The following CENPK variants were observed in gnomAD, a reference collection of about 807,000 sequenced individuals.
CENPK encodes centromere protein K.
Under a neutral mutation model 40.9 loss-of-function variants are expected in CENPK, and 46 were observed. That is an observed-to-expected ratio of 1.13 (90% CI 0.89 to 1.44). CENPK has a LOEUF of 1.44. Among genes scored for constraint, CENPK ranks in the 40% most tolerant of loss-of-function variants. The pLI is 0.00. For synonymous variants in CENPK, 107 were observed against 104.4 expected (o/e 1.02, Z -0.15); for missense variants, 288 against 303.5 (o/e 0.95, Z 0.38).
intron 6 of CENPK, among the ~76,000 whole-genome samples, chr5:65,536,351 C>T (rs1289381249): frequency 3.3e-5 from 5 of 152,114 alleles, no homozygotes; most frequent in African/African-American, 1.2e-4. Flanking sequence ...CAGTGGCTCA[C>T]GCCTGTAATC....
chr5:65,500,832 T>C, the CENPK span, among the ~76,000 whole-genome samples: 1 of 151,902 alleles, frequency 6.6e-6, no homozygotes, highest in South Asian at 2.1e-4. Flanking sequence ...CCAGCTAATT[T>C]TTGTATTTTT....
chr5:65,559,516 C>T (rs933719754), intron 2 of CENPK, among the ~76,000 whole-genome samples: 102 of 150,354 alleles, frequency 6.8e-4, no homozygotes, highest in African/African-American at 2.3e-3. Context: ...GTAGTCCCAG[C>T]TACTTGGGAG....
At chr5:65,508,485 ATAAAAGT>A in the CENPK span, among the ~76,000 whole-genome samples, 3 of 152,226 alleles carry the variant, frequency 2.0e-5, no homozygotes, top group African/African-American at 7.2e-5. Flanking sequence ...ATACACGAAC[ATAAAAGT>A]TAAAACTATG....
the CENPK span, among the ~76,000 whole-genome samples, chr5:65,499,922 G>T: frequency 1.0e-5 from 1 of 97,624 alleles, no homozygotes; most frequent in Non-Finnish European, 2.2e-5. Context: ...TGCGGTGTTT[G>T]GTTTTTTGTT....
At position 65,551,457 on chromosome 5, in the gene CENPK, G is replaced by T. The variant is rs561399979; in HGVS notation, c.241+107C>A. On this transcript the variant is annotated intron_variant, in intron 5 of 10. Transcript: ENST00000396679. ...GCTTCTCGGTATCAATGAAATTTGG[G>T]CAATTTCAAAAAGGCCAAATGGATC... The T allele has an allele frequency of 8.4e-6, 5 of 591,800 alleles. No individual in the cohort carries two copies. In the East Asian group the frequency reaches 1.6e-4, roughly 19 times the overall value. 36.7% of individuals were successfully genotyped at this position (591,800 alleles called of 1,614,324 possible).
At position 65,521,106 on chromosome 5, in the gene CENPK, C is replaced by T. The variant is rs372574268; in HGVS notation, c.651+369G>A. Among the ~76,000 whole-genome samples, 8 of 151,726 alleles carry T rather than the reference C, an allele frequency of 5.3e-5. No homozygotes were observed. In the East Asian group the frequency reaches 1.6e-3, roughly 29 times the overall value. ...TATTTTATATAGAGTACAGAGCTAC[C>T]AATTAAACAGTCAATGTAACAGCAT... On this transcript the variant is annotated intron_variant, in intron 10 of 10. Transcript: ENST00000396679.
intron 9 of CENPK, among the ~76,000 whole-genome samples, chr5:65,523,933 A>T (rs561718305): frequency 5.9e-4 from 90 of 151,558 alleles, no homozygotes; most frequent in Non-Finnish European, 8.6e-4. Flanking sequence ...TTGAGATTTA[A>T]AAAAAAAAGT....
At chr5:65,536,693 A>G (rs1296055970) in intron 6 of CENPK, among the ~76,000 whole-genome samples, 2 of 151,760 alleles carry the variant, frequency 1.3e-5, no homozygotes, top group Non-Finnish European at 3.0e-5. Flanking sequence ...GAAAATGTCC[A>G]TGTATTATTT....
downstream of CENPK, among the ~76,000 whole-genome samples, chr5:65,514,819 C>T (rs755741531): frequency 4.6e-5 from 7 of 152,192 alleles, no homozygotes; most frequent in Non-Finnish European, 1.0e-4. Flanking sequence ...TCCATTTCAT[C>T]TGTTATCAAA....
At chr5:65,562,384 T>C (rs1396321427) in intron 1 of CENPK, among the ~76,000 whole-genome samples, 1 of 152,100 alleles carries the variant, frequency 6.6e-6, no homozygotes, top group African/African-American at 2.4e-5. Flanking sequence ...GGTCAAATAA[T>C]GGGAACCTTT....
chr5:65,500,794 C>T, the CENPK span, among the ~76,000 whole-genome samples: 5 of 152,168 alleles, frequency 3.3e-5, no homozygotes, highest in Non-Finnish European at 7.3e-5. Flanking sequence ...TCCCCAGTAG[C>T]TGGGACTACA....
At position 65,529,023 on chromosome 5, in the gene CENPK, G is replaced by A. The variant is rs79197620; in HGVS notation, c.372-6C>T. 152 of 1,597,868 alleles carry A rather than the reference G, an allele frequency of 9.5e-5. No homozygotes were observed. The African/African-American group carries it at 1.8e-3, about 19-fold the overall frequency. ...CATCCAACCACCGTTGTTCCCTTTCGACATGGAAAAACAATACAAGCAATA... is the reference window on the plus strand; with the variant it reads ...CATCCAACCACCGTTGTTCCCTTTCAACATGGAAAAACAATACAAGCAATA... On this transcript the variant is annotated splice_region_variant and splice_polypyrimidine_tract_variant and intron_variant, in intron 7 of 10. Coordinates refer to ENST00000396679, the MANE Select transcript of CENPK (RefSeq NM_022145.5).
At chr5:65,558,597 T>C (rs1338711117) in intron 2 of CENPK, among the ~76,000 whole-genome samples, 2 of 152,122 alleles carry the variant, frequency 1.3e-5, no homozygotes, top group Admixed American at 1.3e-4. Context: ...ATAAAACAGA[T>C]ATATAAAAAA....
intron 4 of CENPK, among the ~76,000 whole-genome samples, chr5:65,552,112 A>G (rs1451841143): frequency 1.3e-5 from 2 of 152,008 alleles, no homozygotes; most frequent in Admixed American, 1.3e-4. Flanking sequence ...TGACCACATC[A>G]CCAAGACCAG....
chr5:65,540,498 G>C (rs1747776485), intron 6 of CENPK, among the ~76,000 whole-genome samples: 1 of 152,116 alleles, frequency 6.6e-6, no homozygotes, highest in Non-Finnish European at 1.5e-5. Context: ...ATCAGGATGG[G>C]GGCTGGTCAT....
At chr5:65,548,735 C>G (rs924905108) in intron 5 of CENPK, among the ~76,000 whole-genome samples, 5 of 152,040 alleles carry the variant, frequency 3.3e-5, no homozygotes, top group Non-Finnish European at 7.4e-5. Context: ...TTTGCTCATC[C>G]ATGGGAAGCA....
At position 65,551,586 on chromosome 5, in the gene CENPK, T is replaced by C. The variant is rs749780402; in HGVS notation, c.219A>G (p.Gln73=). The C allele has an allele frequency of 9.5e-6, 15 of 1,573,314 alleles. No homozygotes were observed. Among genetic ancestry groups the C allele is most frequent in the African/African-American group, 1.4e-5 (1 of 73,102 alleles). ...TACTTTCAGGTGTTTTTTTCTGCCA[T>C]TGACTGAGTTCAGCGGTTAAACATT... The part of the protein sequence containing the change: ...QVKCLTAELS[Q]WQKKTPETIP... Residue 73 remains glutamine, a synonymous_variant, in exon 5 of 11, where the codon CAA becomes CAG. Coordinates refer to ENST00000396679, the MANE Select transcript of CENPK (RefSeq NM_022145.5).
intron 9 of CENPK, 52 bp from the exon 10 acceptor site, chr5:65,521,580 G>GC: frequency 1.7e-6 from 2 of 1,167,076 alleles, no homozygotes; most frequent in Non-Finnish European, 2.5e-6. Flanking sequence ...TCTGCCAATG[G>GC]TGAAATATTG....
intron 5 of CENPK, among the ~76,000 whole-genome samples, chr5:65,544,432 C>T (rs1448828668): frequency 6.6e-6 from 1 of 152,034 alleles, no homozygotes; most frequent in African/African-American, 2.4e-5. Flanking sequence ...TGTGCACTGT[C>T]GGTGGGATTG....
Sources: gnomAD v4.1 joint callset for allele counts (sites outside exome capture counted in the v4.1 genomes callset) on GRCh38, gnomAD v4.1.1 for gene constraint, MANE v1.5 for transcripts, NCBI Gene and HGNC (gene_info 2026-07-23, HGNC 2026-07-21) for gene names.